The following KDM8 variants were observed in gnomAD, a reference collection of about 807,000 sequenced individuals.
KDM8 encodes the protein lysine demethylase 8.
In KDM8, 35 loss-of-function variants were observed where a neutral mutation model predicts 46.9. The ratio of observed to expected loss-of-function variants is 0.75; its 90% CI spans 0.57 to 0.99. KDM8 has a LOEUF of 0.99. KDM8 is among the 50% of genes least tolerant of loss of function. The pLI is 0.00. For synonymous variants in KDM8, 232 were observed against 227.7 expected, an observed-to-expected ratio of 1.02 and a Z score of -0.17; for missense variants, 475 against 537.0, an observed-to-expected ratio of 0.88 and a Z score of 1.14.
intron 1 of KDM8, among the ~76,000 whole-genome samples, chr16:27,205,367 A>T (rs1399487141): frequency 6.6e-6 from 1 of 152,110 alleles, no homozygotes; most frequent in Non-Finnish European, 1.5e-5. Context: ...AGCAGACAAG[A>T]CTTTATGTAA....
Position 27,210,155 on chromosome 16 carries a change from C to A in KDM8, c.32C>A (p.Pro11His). The A allele has an allele frequency of 6.2e-7, 1 of 1,613,466 alleles. No homozygotes were observed. The highest frequency in any genetic ancestry group is 2.2e-5 in the East Asian group (1 of 44,878). MAGDTHCPAEPLAREGTLWEA... is the reference protein window; with the variant it reads MAGDTHCPAEHLAREGTLWEA... ...GGAGACACCCACTGCCCCGCAGAGC[C>A]CCTGGCCAGAGAAGGCACTTTATGG... Residue 11 changes from proline to histidine, a missense_variant, in exon 2 of 8, where the codon CCC (proline) becomes CAC (histidine). Pro to His is a moderately conservative substitution (Grantham distance 77). Coordinates refer to ENST00000286096, the MANE Select transcript of KDM8 (RefSeq NM_024773.3).
At chr16:27,203,765 A>G in intron 1 of KDM8, 129 bp downstream of exon 1, 2 of 303,394 alleles carry the variant, frequency 6.6e-6, no homozygotes, top group South Asian at 6.2e-5. Flanking sequence ...TGCGCCTTGG[A>G]AAACCCCGAG....
In KDM8 at chr16:27,220,817, C is replaced by T. The variant is rs2083614888; in HGVS notation, c.*87C>T. On this transcript the variant is annotated 3_prime_UTR_variant, in exon 8 of 8. Transcript: ENST00000286096. Reference sequence around the variant, plus strand: ...GGGTCCTGGAATCTATAGAGACAAGCAGGACTGAACCTGTGTCCTGAAGAG... The same window carrying T: ...GGGTCCTGGAATCTATAGAGACAAGTAGGACTGAACCTGTGTCCTGAAGAG... 17 of 1,488,056 alleles carry T rather than the reference C, an allele frequency of 1.1e-5. No homozygotes were observed. The South Asian group carries it at 1.8e-4, about 16-fold the overall frequency. 92.2% of individuals were successfully genotyped at this position (1,488,056 alleles called of 1,614,324 possible). A position where few individuals can be genotyped will look rare whatever the true frequency, so the allele number is the denominator to read the frequency against.
chr16:27,214,192 G>A (rs1443140405), intron 3 of KDM8: 1 of 157,480 alleles, frequency 6.4e-6, no homozygotes, highest in Non-Finnish European at 1.4e-5. Flanking sequence ...GGCAGCTGGA[G>A]CGTGGCTGTC....
intron 1 of KDM8, 198 bp downstream of exon 1, chr16:27,203,834 C>G: frequency 2.3e-6 from 1 of 428,676 alleles, no homozygotes; most frequent in East Asian, 3.7e-5. Context: ...GCCGGCCTGC[C>G]CTGCGGGAGG....
chr16:27,209,611 A>G (rs1035944460), intron 1 of KDM8, among the ~76,000 whole-genome samples: 2 of 152,222 alleles, frequency 1.3e-5, no homozygotes, highest in Non-Finnish European at 2.9e-5. Context: ...ACGTAGGGGA[A>G]TGAGCTACGT....
intron 1 of KDM8, chr16:27,204,443 T>G: frequency 4.7e-6 from 5 of 1,066,978 alleles, no homozygotes; most frequent in East Asian, 3.4e-5. Flanking sequence ...TGTTCCAAAC[T>G]TTCCTGGGAA....
At chr16:27,207,035 G>A (rs890594065) in intron 1 of KDM8, among the ~76,000 whole-genome samples, 7 of 152,244 alleles carry the variant, frequency 4.6e-5, no homozygotes, top group South Asian at 2.1e-4. Flanking sequence ...ACCACAGATC[G>A]ATTTGTAAAA....
At position 27,220,884 on chromosome 16, in the gene KDM8, C is replaced by A; in HGVS notation, c.*154C>A. 2.3e-6 allele frequency: 2 copies of A among 885,274 alleles called. No individual in the cohort carries two copies. The highest frequency in any genetic ancestry group is 3.7e-6 in the Non-Finnish European group (2 of 545,760). The allele number at this position is 885,274 out of a possible 1,614,324, so 54.8% of individuals were successfully genotyped here. A position where few individuals can be genotyped will look rare whatever the true frequency, so the allele number is the denominator to read the frequency against. ...GCAGCCCTGGGGGGCTGAGCTCCAG[C>A]ACTGGACAGGCACAGAGCAGGGGCT... On this transcript the variant is annotated 3_prime_UTR_variant, in exon 8 of 8. Coordinates refer to ENST00000286096, the MANE Select transcript of KDM8 (RefSeq NM_024773.3).
chr16:27,207,900 C>A (rs989174328), intron 1 of KDM8, among the ~76,000 whole-genome samples: 1 of 152,068 alleles, frequency 6.6e-6, no homozygotes, highest in African/African-American at 2.4e-5. Context: ...AATCTTGAGG[C>A]CTTTGGGGAG....
At chr16:27,211,212 G>C (rs868565655) in intron 2 of KDM8, 1 of 454,166 alleles carries the variant, frequency 2.2e-6, no homozygotes. Context: ...AGCTTAAAGC[G>C]ATTGTGTGGG....
In KDM8 at chr16:27,219,149, C is replaced by T. The variant is rs183883017; in HGVS notation, c.993+39C>T. The T allele has an allele frequency of 1.3e-4, 201 of 1,559,160 alleles. No individual in the cohort carries two copies. The East Asian group carries it at 3.7e-3, about 29-fold the overall frequency. On this transcript the variant is annotated intron_variant, in intron 6 of 7. Transcript: ENST00000286096. ...CTGGAATAGTGGCCTTCTAACTCCT[C>T]CTGGCCCAGACACCTGGCCGGCCAC...
rs1169049706 is a variant in KDM8, at chr16:27,210,077, C to T, written c.-31-16C>T. On this transcript the variant is annotated splice_polypyrimidine_tract_variant and intron_variant, in intron 1 of 7. Transcript: ENST00000286096. ...CTGTCCTGGTGTCTAACTCTTGTTT[C>T]TCTCCACCTCCCCAGGCACGGGACT... 1.1e-5 allele frequency: 17 copies of T among 1,579,158 alleles called. No individual in the cohort carries two copies. The highest frequency in any genetic ancestry group is 1.5e-5 in the Non-Finnish European group (17 of 1,163,720).
chr16:27,210,667 C>T (rs756189045), intron 2 of KDM8, 46 bp downstream of exon 2: 2 of 1,481,104 alleles, frequency 1.4e-6, no homozygotes, highest in Non-Finnish European at 1.8e-6. Flanking sequence ...ATCCAGCAAC[C>T]CTGTTGTTCT....
At chr16:27,213,017 C>T (rs972515298) in intron 2 of KDM8, among the ~76,000 whole-genome samples, 2 of 152,152 alleles carry the variant, frequency 1.3e-5, no homozygotes, top group African/African-American at 4.8e-5. Context: ...CACCTGTGGA[C>T]ACTGAGGTTC....
chr16:27,212,875 G>A (rs545004655), intron 2 of KDM8, among the ~76,000 whole-genome samples: 159 of 152,302 alleles, frequency 1.0e-3, no homozygotes, highest in Non-Finnish European at 1.7e-3. Context: ...TTTTTCTAGA[G>A]CCAGAGGTTT....
At chr16:27,204,038 G>T in intron 1 of KDM8, 1 of 1,478,912 alleles carries the variant, frequency 6.8e-7, no homozygotes, top group Non-Finnish European at 9.2e-7. Flanking sequence ...GCAACCAGCC[G>T]CTGCCCCTGG....
rs1367488326 is a variant in KDM8, at chr16:27,214,888, C to G, written c.678C>G (p.Ile226Met). 2.5e-6 allele frequency: 4 copies of G among 1,614,140 alleles called. No homozygotes were observed. Among genetic ancestry groups the G allele is most frequent in the Admixed American group, 1.7e-5 (1 of 60,024 alleles). The change falls in exon 4 of 8, where the codon ATC becomes ATG. Residue 226 changes from isoleucine (I) to methionine (M), a missense_variant. Coordinates refer to ENST00000286096, the MANE Select transcript of KDM8 (RefSeq NM_024773.3). ...PCMQKWSLEYIQEIAGCRTVP... is the reference protein window; with the variant it reads ...PCMQKWSLEYMQEIAGCRTVP... Reference sequence around the variant, plus strand: ...GTCTTTCTGCTAGTTTGGAGTATATCCAGGAGATCGCTGGCTGCCGAACTG... The same window carrying G: ...GTCTTTCTGCTAGTTTGGAGTATATGCAGGAGATCGCTGGCTGCCGAACTG...
At chr16:27,216,510 CG>C (rs1363992449) in intron 5 of KDM8, among the ~76,000 whole-genome samples, 3 of 152,136 alleles carry the variant, frequency 2.0e-5, no homozygotes, top group African/African-American at 7.2e-5. Context: ...GTGCGTGTCC[CG>C]AACGTGGAAG....
Sources: gnomAD v4.1 joint callset for allele counts (sites outside exome capture counted in the v4.1 genomes callset) on GRCh38, gnomAD v4.1.1 for gene constraint, MANE v1.5 for transcripts, NCBI Gene and HGNC (gene_info 2026-07-23, HGNC 2026-07-21) for gene names.